The following B4GALT1 variants were observed in gnomAD, a reference collection of about 807,000 sequenced individuals.
The protein encoded by B4GALT1 is N-acetyllactosamine synthase.
B4GALT1 carries 16 observed loss-of-function variants against 34.9 expected under a neutral mutation model. The ratio of observed to expected loss-of-function variants is 0.46; its 90% CI spans 0.31 to 0.70. The LOEUF (loss-of-function observed/expected upper bound fraction) is 0.70. B4GALT1 is among the 30% of genes least tolerant of loss of function. The probability of loss-of-function intolerance (pLI) is 0.05; values close to 1 mark genes in which losing one functional copy is unlikely to be tolerated. For missense variants in B4GALT1, 445 were observed against 530.5 expected, an observed-to-expected ratio of 0.84 and a Z score of 1.58; for synonymous variants, 221 against 218.1, an observed-to-expected ratio of 1.01 and a Z score of -0.12.
the B4GALT1 span, among the ~76,000 whole-genome samples, chr9:33,176,173 C>A: frequency 6.6e-6 from 1 of 152,188 alleles, no homozygotes; most frequent in Non-Finnish European, 1.5e-5. Context: ...GTCATTCCTC[C>A]TTTTCCAAAA....
At chr9:33,121,882 G>A (rs1376016290) in intron 2 of B4GALT1, among the ~76,000 whole-genome samples, 1 of 152,060 alleles carries the variant, frequency 6.6e-6, no homozygotes, top group Admixed American at 6.6e-5. Flanking sequence ...TCACCACAGG[G>A]ATCACATTGT....
intron 2 of B4GALT1, among the ~76,000 whole-genome samples, chr9:33,134,162 C>A (rs1840232874): frequency 6.6e-6 from 1 of 152,232 alleles, no homozygotes; most frequent in South Asian, 2.1e-4. Flanking sequence ...GCAAGTGATG[C>A]AGCACAATGC....
intron 1 of B4GALT1, among the ~76,000 whole-genome samples, chr9:33,138,117 T>A (rs1360056): frequency 1.3e-5 from 2 of 152,310 alleles, no homozygotes; most frequent in East Asian, 1.9e-4. Context: ...GGAATTCACA[T>A]GTGGCCTGGC....
chr9:33,160,542 G>A (rs540944170), intron 1 of B4GALT1, among the ~76,000 whole-genome samples: 1 of 152,286 alleles, frequency 6.6e-6, no homozygotes, highest in South Asian at 2.1e-4. Context: ...CAAGGCAGGT[G>A]AATCACTTGA....
At chr9:33,184,635 G>C in the B4GALT1 span, among the ~76,000 whole-genome samples, 1 of 152,200 alleles carries the variant, frequency 6.6e-6, no homozygotes, top group Non-Finnish European at 1.5e-5. Context: ...TGCAGACTCT[G>C]TTCAAGTAGT....
intron 1 of B4GALT1, among the ~76,000 whole-genome samples, chr9:33,154,675 C>T (rs1840571386): frequency 6.6e-6 from 1 of 152,160 alleles, no homozygotes; most frequent in South Asian, 2.1e-4. Context: ...TCACACTGAC[C>T]AACTTATCTA....
chr9:33,183,742 C>T, the B4GALT1 span, among the ~76,000 whole-genome samples: 6 of 151,148 alleles, frequency 4.0e-5, no homozygotes, highest in Non-Finnish European at 8.8e-5. Context: ...TGTAACTAAC[C>T]TGCACAATGT....
rs1839904616 is a variant in B4GALT1, at chr9:33,114,022, C to G, written c.960-144G>C. ...AACCCAGCATCATGCCAGAACCCAG[C>G]CCAGCATGACCCTGGTTAAAACTCA... On this transcript the variant is annotated intron_variant, in intron 4 of 5. Transcript: ENST00000379731. 42 of 748,132 alleles carry G rather than the reference C, an allele frequency of 5.6e-5. 1 individual carries two copies. The South Asian group carries it at 6.1e-4, about 11-fold the overall frequency. 46.3% of individuals were successfully genotyped at this position (748,132 alleles called of 1,614,324 possible).
chr9:33,111,392 G>C lies in B4GALT1; in HGVS notation c.*2062C>G, dbSNP rs978231896. On this transcript the variant is annotated 3_prime_UTR_variant, in exon 6 of 6. Transcript: ENST00000379731. ...TTGGAAAAGTCAGGATCTGCGGACA[G>C]AAAGAGAGGCTTTCATTCTTCTTAT... 5 of 152,434 alleles carry C rather than the reference G, an allele frequency of 3.3e-5. No homozygotes were observed. Among genetic ancestry groups the C allele is most frequent in the Non-Finnish European group, 7.3e-5 (5 of 68,028 alleles). The allele number at this position is 152,434 out of a possible 1,614,324, so 9.4% of individuals were successfully genotyped here. A position where few individuals can be genotyped will look rare whatever the true frequency, so the allele number is the denominator to read the frequency against.
At chr9:33,129,892 A>C (rs1248379455) in intron 2 of B4GALT1, among the ~76,000 whole-genome samples, 1 of 152,114 alleles carries the variant, frequency 6.6e-6, no homozygotes, top group Admixed American at 6.5e-5. Context: ...AGTGAAGTGG[A>C]GAGGAGGAGG....
At chr9:33,123,867 C>T (rs897672102) in intron 2 of B4GALT1, among the ~76,000 whole-genome samples, 28 of 152,322 alleles carry the variant, frequency 1.8e-4, no homozygotes, top group African/African-American at 6.3e-4. Context: ...CGGGGTGCCA[C>T]GGCCCTTTCA....
chr9:33,127,620 C>T (rs775230524), intron 2 of B4GALT1, among the ~76,000 whole-genome samples: 1 of 152,074 alleles, frequency 6.6e-6, no homozygotes, highest in African/African-American at 2.4e-5. Flanking sequence ...CTTACACTCA[C>T]GGAAAATTGG....
chr9:33,114,281 A>G (rs1839908629), intron 4 of B4GALT1, among the ~76,000 whole-genome samples: 1 of 152,238 alleles, frequency 6.6e-6, no homozygotes, highest in South Asian at 2.1e-4. Flanking sequence ...CCAGTTGAGG[A>G]TGAACAGGTA....
chr9:33,105,159 G>C (rs978656175), intron 2 of B4GALT1, among the ~76,000 whole-genome samples: 80 of 150,416 alleles, frequency 5.3e-4, no homozygotes, highest in African/African-American at 1.9e-3. Flanking sequence ...TTTATTTTGA[G>C]ATGGAGTTTC....
At chr9:33,120,811 T>G (rs1315038316) in intron 2 of B4GALT1, among the ~76,000 whole-genome samples, 1 of 152,140 alleles carries the variant, frequency 6.6e-6, no homozygotes, top group African/African-American at 2.4e-5. Flanking sequence ...CAGAAGGACT[T>G]GCATGTGTGT....
intron 1 of B4GALT1, among the ~76,000 whole-genome samples, chr9:33,155,058 A>G (rs890076376): frequency 6.6e-5 from 10 of 152,110 alleles, no homozygotes; most frequent in African/African-American, 2.2e-4. Context: ...GCAGCACTCA[A>G]TGGTCCTACC....
At chr9:33,114,054 G>A (rs1004121485) in intron 4 of B4GALT1, among the ~76,000 whole-genome samples, 176 bp from the exon 5 acceptor site, 5 of 152,170 alleles carry the variant, frequency 3.3e-5, no homozygotes, top group East Asian at 1.9e-4. Flanking sequence ...CTCACATTCC[G>A]ACTCCATGTC....
the B4GALT1 span, among the ~76,000 whole-genome samples, chr9:33,180,567 C>G: frequency 6.6e-6 from 1 of 152,214 alleles, no homozygotes; most frequent in Non-Finnish European, 1.5e-5. Context: ...TAACACTGCT[C>G]TGCCGTGGCC....
chr9:33,118,920 G>A (rs1839980977), intron 3 of B4GALT1, among the ~76,000 whole-genome samples: 1 of 151,304 alleles, frequency 6.6e-6, no homozygotes, highest in East Asian at 1.9e-4. Context: ...GAAGTTCAAT[G>A]GCGCGATCTC....
Sources: allele counts gnomAD v4.1 joint callset (sites outside exome capture counted in the v4.1 genomes callset), GRCh38; gene constraint gnomAD v4.1.1; transcripts MANE v1.5; gene names NCBI Gene and HGNC (gene_info 2026-07-23, HGNC 2026-07-21).